Variants in IL1RAPL1 observed in about 807,000 individuals in gnomAD.
IL1RAPL1 encodes the protein interleukin-1 receptor accessory protein-like 1.
A neutral mutation model predicts 48.4 loss-of-function variants in IL1RAPL1; 3 were observed. The observed-to-expected ratio is 0.06, with a 90% CI of 0.03 to 0.16. The LOEUF (loss-of-function observed/expected upper bound fraction) is 0.16, where lower values mean the gene tolerates loss of function less well. IL1RAPL1 is among the 10% of genes least tolerant of loss of function. IL1RAPL1 has a pLI of 1.00. For synonymous variants in IL1RAPL1, 185 were observed against 187.7 expected (o/e 0.99, Z 0.12); for missense variants, 349 against 530.6 (o/e 0.66, Z 3.36).
intron 2 of IL1RAPL1, among the ~76,000 whole-genome samples, chrX:28,966,030 G>A (rs1924912388): frequency 9.0e-6 from 1 of 111,640 alleles, no homozygotes. Flanking sequence ...ATATTAAATA[G>A]ACATTAAGTT....
chrX:28,906,124 G>C (rs941641197), intron 2 of IL1RAPL1, among the ~76,000 whole-genome samples: 4 of 111,804 alleles, frequency 3.6e-5, no homozygotes. Context: ...GAAGGGGAAA[G>C]AGCCATTTAT....
intron 2 of IL1RAPL1, among the ~76,000 whole-genome samples, chrX:29,037,178 C>G (rs1269741024): frequency 9.0e-6 from 1 of 111,727 alleles, no homozygotes; most frequent in Non-Finnish European, 1.9e-5. Context: ...CCAGTTAAAG[C>G]AATTTCTTGC....
intron 5 of IL1RAPL1, among the ~76,000 whole-genome samples, chrX:29,588,395 T>C (rs192841643): frequency 8.9e-6 from 1 of 112,205 alleles, no homozygotes; most frequent in African/African-American, 3.2e-5. Flanking sequence ...TGAACAGCTG[T>C]AGTACCTCAA....
rs760377002 is a variant in IL1RAPL1 at position 29,612,682 on chromosome X, G to C, written c.704-55748G>C. ...AGTTTTTAGTGTGTTTCTGAGACTT[G>C]TTCCTGATTTGATTTCACACTTCAA... On this transcript the variant is annotated intron_variant, in intron 5 of 10. Transcript: ENST00000378993. Among the ~76,000 whole-genome samples the C allele has an allele frequency of 4.5e-5, 5 of 111,504 alleles. No homozygotes were observed. The South Asian group carries it at 1.5e-3, about 33-fold the overall frequency.
intron 6 of IL1RAPL1, among the ~76,000 whole-genome samples, chrX:29,905,141 CAT>C (rs1436499401): frequency 2.7e-5 from 3 of 111,990 alleles, no homozygotes; most frequent in African/African-American, 6.5e-5. Flanking sequence ...GAGCTTTTTT[CAT>C]ATGTTTGTTG....
At position 29,205,726 on chromosome X, in the gene IL1RAPL1, AT is replaced by A. The variant is rs374469921; in HGVS notation, c.83-77204del. Among the ~76,000 whole-genome samples, 8 of 107,363 alleles carry A rather than the reference AT, an allele frequency of 7.5e-5. No homozygotes were observed. In the South Asian group the frequency reaches 1.2e-3, roughly 16 times the overall value. The allele number at this position is 107,363 out of a possible 115,157, so 93.2% of individuals were successfully genotyped here. On this transcript the variant is annotated intron_variant, in intron 2 of 10. Transcript: ENST00000378993. ...TATTAGTTTCTTTTTATTTTATTTT[AT>A]TTTTTTTATTATTATTATTTTTTTT...
intron 6 of IL1RAPL1, among the ~76,000 whole-genome samples, chrX:29,888,169 T>A (rs1932204796): frequency 9.0e-6 from 1 of 110,537 alleles, no homozygotes; most frequent in Non-Finnish European, 1.9e-5. Flanking sequence ...CTTGAAAAAA[T>A]TAAAGGTAAA....
chrX:29,733,536 TCATTGTA>T (rs745433486), intron 6 of IL1RAPL1, among the ~76,000 whole-genome samples: 6 of 112,329 alleles, frequency 5.3e-5, no homozygotes, highest in Non-Finnish European at 1.1e-4. Context: ...GTCATATTTC[TCATTGTA>T]CATGTCTCCA....
At chrX:29,269,972 A>G (rs768162411) in intron 2 of IL1RAPL1, among the ~76,000 whole-genome samples, 64 of 110,836 alleles carry the variant, frequency 5.8e-4, no homozygotes, top group South Asian at 2.3e-3. Context: ...TTCTGCCACT[A>G]TAGTTTGCAT....
chrX:28,940,048 G>A (rs1033097142), intron 2 of IL1RAPL1, among the ~76,000 whole-genome samples: 1 of 111,352 alleles, frequency 9.0e-6, no homozygotes, highest in South Asian at 3.7e-4. Context: ...CAATACCCAT[G>A]GTAAAGAGTC....
At chrX:29,711,819 A>G (rs1927360862) in intron 6 of IL1RAPL1, among the ~76,000 whole-genome samples, 1 of 111,594 alleles carries the variant, frequency 9.0e-6, no homozygotes, top group Admixed American at 9.6e-5. Flanking sequence ...TTTTTTATTA[A>G]TCTTATGCAG....
chrX:29,439,802 A>G (rs1466377126), intron 5 of IL1RAPL1, among the ~76,000 whole-genome samples: 1 of 108,300 alleles, frequency 9.2e-6, no homozygotes, highest in African/African-American at 3.4e-5. Flanking sequence ...TTTATAGTAC[A>G]TCAAAGGCAA....
chrX:29,383,590 T>C (rs1045647612), intron 3 of IL1RAPL1, among the ~76,000 whole-genome samples: 1 of 112,149 alleles, frequency 8.9e-6, no homozygotes, highest in African/African-American at 3.2e-5. Flanking sequence ...CCATTTTCTT[T>C]TTCCAAAAAT....
intron 2 of IL1RAPL1, among the ~76,000 whole-genome samples, chrX:28,906,905 C>T (rs1012770993): frequency 3.6e-5 from 4 of 111,846 alleles, no homozygotes; most frequent in Non-Finnish European, 5.6e-5. Context: ...TTTCAAGTAA[C>T]ACTTGGAAAG....
intron 2 of IL1RAPL1, among the ~76,000 whole-genome samples, chrX:29,209,842 G>T (rs1481921264): frequency 2.7e-5 from 3 of 112,210 alleles, no homozygotes; most frequent in Non-Finnish European, 5.6e-5. Context: ...TGCTGCTGCT[G>T]TCTACCCTAC....
intron 2 of IL1RAPL1, among the ~76,000 whole-genome samples, chrX:28,913,651 A>T (rs186883675): frequency 4.6e-4 from 51 of 111,516 alleles, no homozygotes; most frequent in African/African-American, 1.6e-3. Flanking sequence ...TGATTGCATC[A>T]TTGCACTCCA....
At chrX:29,900,767 A>G (rs34016122) in intron 6 of IL1RAPL1, among the ~76,000 whole-genome samples, 14,142 of 111,021 alleles carry the variant, frequency 0.13, 856 homozygotes, top group African/African-American at 0.22. Flanking sequence ...TTTTGTCTTC[A>G]CCACTAAGTG....
chrX:29,194,981 C>G (rs1930416653), intron 2 of IL1RAPL1, among the ~76,000 whole-genome samples: 1 of 111,398 alleles, frequency 9.0e-6, no homozygotes, highest in African/African-American at 3.3e-5. Context: ...TAACTCGCCC[C>G]AACCCATTTA....
At chrX:28,970,474 A>AT (rs778402060) in intron 2 of IL1RAPL1, among the ~76,000 whole-genome samples, 6 of 112,222 alleles carry the variant, frequency 5.3e-5, no homozygotes, top group Non-Finnish European at 9.4e-5. Context: ...ATCAGTTATC[A>AT]TGTCAATCAT....
Sources: gnomAD v4.1 joint callset for allele counts (sites outside exome capture counted in the v4.1 genomes callset) on GRCh38, gnomAD v4.1.1 for gene constraint, MANE v1.5 for transcripts, NCBI Gene and HGNC (gene_info 2026-07-23, HGNC 2026-07-21) for gene names.